The following ARHGAP24 variants were observed in gnomAD, a reference collection of about 807,000 sequenced individuals.
ARHGAP24 encodes rho GTPase-activating protein 24.
In ARHGAP24, 50 loss-of-function variants were observed where a neutral mutation model predicts 76.4. The observed-to-expected ratio is 0.65, with a 90% CI of 0.52 to 0.83. ARHGAP24 has a LOEUF of 0.83. Ranked by LOEUF, ARHGAP24 falls within the 40% of genes least tolerant of loss-of-function variation. ARHGAP24 has a pLI of 0.00. For synonymous variants in ARHGAP24, 345 were observed against 323.3 expected (o/e 1.07, Z -0.72); for missense variants, 930 against 914.2 (o/e 1.02, Z -0.22).
At chr4:85,772,742 A>C (rs931163053) in intron 3 of ARHGAP24, among the ~76,000 whole-genome samples, 13 of 152,218 alleles carry the variant, frequency 8.5e-5, no homozygotes, top group African/African-American at 3.1e-4. Context: ...ACAATTGTTT[A>C]TGTATTGAAT....
intron 3 of ARHGAP24, among the ~76,000 whole-genome samples, chr4:85,794,501 G>A (rs960121364): frequency 2.0e-5 from 3 of 150,418 alleles, no homozygotes; most frequent in Admixed American, 6.6e-5. Context: ...ATTTTTTTTC[G>A]AGACAGAGTC....
intron 4 of ARHGAP24, among the ~76,000 whole-genome samples, chr4:85,928,902 T>A (rs796953928): frequency 2.6e-5 from 4 of 152,322 alleles, no homozygotes; most frequent in African/African-American, 7.2e-5. Context: ...TTGTGAATAA[T>A]CCTTACAATG....
rs1247824922 is a variant in ARHGAP24, at chr4:85,643,414, G to A, written c.180+72693G>A. 4.2e-5 allele frequency among the ~76,000 whole-genome samples: 5 copies of A among 119,830 alleles called. 1 individual carries two copies. Among genetic ancestry groups the A allele is most frequent in the Admixed American group, 9.8e-5 (1 of 10,240 alleles). The allele number at this position is 119,830 out of a possible 152,430, so 78.6% of individuals were successfully genotyped here. On this transcript the variant is annotated intron_variant, in intron 2 of 9. Coordinates refer to ENST00000395184, the MANE Select transcript of ARHGAP24 (RefSeq NM_001025616.3). ...GCTGGGACTACAGGCGCCCGCCACC[G>A]CGCCCGGCTAATTTTTTGTATTTTT... is the stretch of plus-strand genomic sequence containing the variant.
At chr4:85,542,599 G>C (rs376190708) in intron 1 of ARHGAP24, among the ~76,000 whole-genome samples, 18 of 152,226 alleles carry the variant, frequency 1.2e-4, no homozygotes, top group African/African-American at 3.4e-4. Flanking sequence ...GTCTCCCTTA[G>C]GGACAGTCAT....
chr4:85,902,561 C>A (rs1734559293), intron 3 of ARHGAP24, among the ~76,000 whole-genome samples: 2 of 152,298 alleles, frequency 1.3e-5, no homozygotes, highest in Admixed American at 6.5e-5. Flanking sequence ...CATGGCCTGT[C>A]ATTTGTGACA....
At chr4:85,478,857 G>A (rs942039261) in intron 1 of ARHGAP24, among the ~76,000 whole-genome samples, 8 of 152,076 alleles carry the variant, frequency 5.3e-5, no homozygotes, top group Non-Finnish European at 8.8e-5. Context: ...ATTTCATCTT[G>A]TCTGCTTCTA....
intron 3 of ARHGAP24, among the ~76,000 whole-genome samples, chr4:85,732,547 C>G (rs908041738): frequency 6.6e-6 from 1 of 151,990 alleles, no homozygotes; most frequent in Non-Finnish European, 1.5e-5. Context: ...ATCTGCAGCC[C>G]AATAATGCAT....
chr4:85,688,775 G>C (rs1341712985), intron 2 of ARHGAP24, among the ~76,000 whole-genome samples: 2 of 152,088 alleles, frequency 1.3e-5, no homozygotes, highest in Non-Finnish European at 2.9e-5. Context: ...AAGGGGTCCA[G>C]TTTCAGTCTT....
intron 3 of ARHGAP24, among the ~76,000 whole-genome samples, chr4:85,725,830 G>T (rs544145379): frequency 1.3e-5 from 2 of 152,184 alleles, no homozygotes; most frequent in East Asian, 3.9e-4. Flanking sequence ...AATGCAGGCT[G>T]TTCCACTGTT....
chr4:85,793,535 T>A (rs1310368945), intron 3 of ARHGAP24, among the ~76,000 whole-genome samples: 1 of 152,190 alleles, frequency 6.6e-6, no homozygotes, highest in African/African-American at 2.4e-5. Flanking sequence ...CCTGTTTTAG[T>A]TCTATTTATG....
chr4:85,759,956 G>A (rs1161437068), intron 3 of ARHGAP24, among the ~76,000 whole-genome samples: 1 of 152,140 alleles, frequency 6.6e-6, no homozygotes, highest in African/African-American at 2.4e-5. Context: ...AAGATGGGAA[G>A]AAAACGTGTC....
intron 3 of ARHGAP24, among the ~76,000 whole-genome samples, chr4:85,731,850 G>A: frequency 2.0e-5 from 3 of 152,230 alleles, no homozygotes; most frequent in Middle Eastern, 6.8e-3. Context: ...ACATCACTAA[G>A]TACCCCATAA....
intron 1 of ARHGAP24, among the ~76,000 whole-genome samples, chr4:85,480,830 T>C (rs572843537): frequency 3.9e-5 from 6 of 152,262 alleles, no homozygotes; most frequent in African/African-American, 1.4e-4. Flanking sequence ...CACAGATGTA[T>C]AGAAGAATTC....
chr4:85,767,714 A>G (rs1726983458), intron 3 of ARHGAP24, among the ~76,000 whole-genome samples: 1 of 152,250 alleles, frequency 6.6e-6, no homozygotes, highest in Admixed American at 6.5e-5. Context: ...ATGGTAGAAC[A>G]GAATATTTTC....
At chr4:85,779,581 T>A (rs1039892883) in intron 3 of ARHGAP24, among the ~76,000 whole-genome samples, 2 of 152,172 alleles carry the variant, frequency 1.3e-5, no homozygotes, top group Admixed American at 6.5e-5. Context: ...CATTATTTTT[T>A]AAAAAAATTC....
chr4:85,943,666 A>G (rs550751942), intron 5 of ARHGAP24, among the ~76,000 whole-genome samples: 1 of 151,998 alleles, frequency 6.6e-6, no homozygotes, highest in African/African-American at 2.4e-5. Flanking sequence ...GTGTCCATGT[A>G]TTCTCATTGT....
At chr4:85,557,081 C>T (rs539826455) in intron 1 of ARHGAP24, among the ~76,000 whole-genome samples, 6 of 152,254 alleles carry the variant, frequency 3.9e-5, no homozygotes, top group East Asian at 1.9e-4. Context: ...TGCAGAGAAA[C>T]AAAAATGGCA....
chr4:85,933,421 G>A (rs1736460899), intron 4 of ARHGAP24, among the ~76,000 whole-genome samples: 1 of 152,128 alleles, frequency 6.6e-6, no homozygotes, highest in Non-Finnish European at 1.5e-5. Context: ...CTTGCATGTT[G>A]TGCAAGCTGA....
intron 1 of ARHGAP24, among the ~76,000 whole-genome samples, chr4:85,509,007 G>A (rs1282662583): frequency 1.3e-5 from 2 of 151,952 alleles, no homozygotes; most frequent in Non-Finnish European, 2.9e-5. Context: ...AACTATCACT[G>A]CATTGTCTGA....
Sources: allele counts gnomAD v4.1 joint callset (sites outside exome capture counted in the v4.1 genomes callset), GRCh38; gene constraint gnomAD v4.1.1; transcripts MANE v1.5; gene names NCBI Gene and HGNC (gene_info 2026-07-23, HGNC 2026-07-21).